LRRTM3: variants seen among roughly 807,000 people sequenced by gnomAD.
LRRTM3 encodes the protein leucine rich repeat transmembrane neuronal 3.
In LRRTM3, 24 loss-of-function variants were observed where a neutral mutation model predicts 44.7. The observed-to-expected ratio is 0.54, with a 90% CI of 0.39 to 0.76. LRRTM3 has a LOEUF of 0.76. LRRTM3 is among the 30% of genes least tolerant of loss of function. The probability of loss-of-function intolerance (pLI) is 0.00; values close to 1 mark genes in which losing one functional copy is unlikely to be tolerated. For synonymous variants in LRRTM3, 277 were observed against 278.7 expected, an observed-to-expected ratio of 0.99 and a Z score of 0.06; for missense variants, 587 against 702.2, an observed-to-expected ratio of 0.84 and a Z score of 1.85.
At chr10:67,033,515 A>G (rs1356885039) in intron 2 of LRRTM3, among the ~76,000 whole-genome samples, 1 of 152,238 alleles carries the variant, frequency 6.6e-6, no homozygotes, top group Non-Finnish European at 1.5e-5. Context: ...GATGTAAATA[A>G]AAGTTGAGTG....
intron 2 of LRRTM3, among the ~76,000 whole-genome samples, chr10:66,953,738 A>C (rs750886089): frequency 1.8e-4 from 28 of 152,176 alleles, no homozygotes; most frequent in Admixed American, 4.6e-4. Flanking sequence ...GTTTTATGAC[A>C]TGCTGACACT....
chr10:67,061,574 G>T (rs976154789), intron 2 of LRRTM3, among the ~76,000 whole-genome samples: 2 of 152,126 alleles, frequency 1.3e-5, no homozygotes, highest in Non-Finnish European at 2.9e-5. Context: ...GAATATAAGG[G>T]CCAATAGGAA....
chr10:66,982,443 C>T (rs1850496183), intron 2 of LRRTM3, among the ~76,000 whole-genome samples: 2 of 152,294 alleles, frequency 1.3e-5, no homozygotes, highest in South Asian at 2.1e-4. Flanking sequence ...TCCTTACACA[C>T]TTCTTGAGAA....
chr10:67,065,887 T>C (rs530181176), intron 2 of LRRTM3, among the ~76,000 whole-genome samples: 3 of 151,474 alleles, frequency 2.0e-5, no homozygotes, highest in East Asian at 3.9e-4. Context: ...AAGAGGGATA[T>C]AGACAAGTTA....
At chr10:67,043,277 G>T (rs182410488) in intron 2 of LRRTM3, among the ~76,000 whole-genome samples, 276 of 151,846 alleles carry the variant, frequency 1.8e-3, no homozygotes, top group African/African-American at 5.8e-3. Context: ...ATGGCCTGAG[G>T]GTTCTACATC....
At chr10:67,079,397 G>A (rs528151858) in intron 2 of LRRTM3, among the ~76,000 whole-genome samples, 3 of 152,290 alleles carry the variant, frequency 2.0e-5, no homozygotes, top group Non-Finnish European at 2.9e-5. Flanking sequence ...ATATCTAACA[G>A]ATGAGCAATC....
intron 2 of LRRTM3, among the ~76,000 whole-genome samples, chr10:67,006,926 T>C (rs1375965287): frequency 2.6e-5 from 4 of 152,122 alleles, no homozygotes; most frequent in Non-Finnish European, 5.9e-5. Flanking sequence ...CCCAAGTAGC[T>C]GGGATTACAG....
intron 2 of LRRTM3, among the ~76,000 whole-genome samples, chr10:67,022,599 T>G (rs528881226): frequency 4.6e-5 from 7 of 152,218 alleles, no homozygotes; most frequent in African/African-American, 1.7e-4. Context: ...TATACAAAGG[T>G]AAGTATACTA....
intron 2 of LRRTM3, among the ~76,000 whole-genome samples, chr10:67,047,081 A>T (rs550641078): frequency 3.3e-5 from 5 of 152,262 alleles, no homozygotes; most frequent in Admixed American, 3.3e-4. Flanking sequence ...TTATCCAGAG[A>T]TGAGTTTAGA....
chr10:66,940,317 G>A (rs911129529), intron 2 of LRRTM3, among the ~76,000 whole-genome samples: 2 of 152,024 alleles, frequency 1.3e-5, no homozygotes, highest in Non-Finnish European at 1.5e-5. Flanking sequence ...AACATAGCAA[G>A]GCCTCATCTC....
intron 2 of LRRTM3, among the ~76,000 whole-genome samples, chr10:66,931,767 G>T (rs1847407970): frequency 2.0e-5 from 3 of 152,152 alleles, no homozygotes; most frequent in Non-Finnish European, 4.4e-5. Flanking sequence ...AGAGGCCATA[G>T]AATTGGTACT....
At chr10:66,977,462 T>C (rs990988726) in intron 2 of LRRTM3, among the ~76,000 whole-genome samples, 25 of 151,414 alleles carry the variant, frequency 1.7e-4, no homozygotes, top group Admixed American at 6.6e-5. Flanking sequence ...ATAAAGATCA[T>C]ATGATATGAC....
chr10:66,980,958 G>A (rs1370865532), intron 2 of LRRTM3, among the ~76,000 whole-genome samples: 1 of 152,090 alleles, frequency 6.6e-6, no homozygotes, highest in Non-Finnish European at 1.5e-5. Flanking sequence ...CCAGGCTGGA[G>A]TGCGATGGTG....
chr10:67,024,580 C>A (rs943801976), intron 2 of LRRTM3, among the ~76,000 whole-genome samples: 2 of 152,090 alleles, frequency 1.3e-5, no homozygotes, highest in African/African-American at 2.4e-5. Context: ...TGGAGTTATG[C>A]TATAAAATCA....
At chr10:66,944,401 C>T (rs908797721) in intron 2 of LRRTM3, among the ~76,000 whole-genome samples, 1 of 152,102 alleles carries the variant, frequency 6.6e-6, no homozygotes, top group African/African-American at 2.4e-5. Context: ...TCTAGTTCCC[C>T]GCTATTTCCA....
At chr10:66,979,526 T>A (rs1850289777) in intron 2 of LRRTM3, among the ~76,000 whole-genome samples, 1 of 152,124 alleles carries the variant, frequency 6.6e-6, no homozygotes, top group Non-Finnish European at 1.5e-5. Flanking sequence ...ACTCAGGCAC[T>A]AACTTGGGGG....
intron 2 of LRRTM3, among the ~76,000 whole-genome samples, chr10:67,076,300 A>T (rs1289914224): frequency 6.6e-6 from 1 of 152,248 alleles, no homozygotes; most frequent in Admixed American, 6.5e-5. Context: ...AACTTCAGAG[A>T]TCATGTTACT....
chr10:67,042,532 TG>T (rs1854463843), intron 2 of LRRTM3, among the ~76,000 whole-genome samples: 1 of 151,800 alleles, frequency 6.6e-6, no homozygotes, highest in Non-Finnish European at 1.5e-5. Flanking sequence ...AGTGTGGCAG[TG>T]GATCAAATAG....
intron 2 of LRRTM3, among the ~76,000 whole-genome samples, chr10:66,987,774 CATG>C (rs1353477105): frequency 1.3e-5 from 2 of 152,104 alleles, no homozygotes; most frequent in African/African-American, 4.8e-5. Flanking sequence ...GAATTTAGCT[CATG>C]ATAACTAAAT....
Sources: gnomAD v4.1 joint callset for allele counts (sites outside exome capture counted in the v4.1 genomes callset) on GRCh38, gnomAD v4.1.1 for gene constraint, MANE v1.5 for transcripts, NCBI Gene and HGNC (gene_info 2026-07-23, HGNC 2026-07-21) for gene names.